The following RSF1 variants were observed in gnomAD, a reference collection of about 807,000 sequenced individuals.
The protein encoded by RSF1 is HBV pX-associated protein 8.
Under a neutral mutation model 145.2 loss-of-function variants are expected in RSF1, and 13 were observed. That is an observed-to-expected ratio of 0.09 (90% CI 0.06 to 0.14). The LOEUF (loss-of-function observed/expected upper bound fraction) is 0.14, where lower values mean the gene tolerates loss of function less well. Ranked by LOEUF, RSF1 falls within the 10% of genes least tolerant of loss-of-function variation. RSF1 has a pLI of 1.00. For missense variants in RSF1, 1,517 were observed against 1,718.2 expected (o/e 0.88, Z 2.07); for synonymous variants, 577 against 592.6 (o/e 0.97, Z 0.38).
intron 6 of RSF1, 36 bp from the exon 7 acceptor site, chr11:77,698,729 A>G (rs1456793589): frequency 3.2e-6 from 5 of 1,550,038 alleles, no homozygotes; most frequent in African/African-American, 1.4e-5. Flanking sequence ...ATAATTTGAT[A>G]TAAGAATGTC....
chr11:77,859,144 G>A, the RSF1 span, among the ~76,000 whole-genome samples: 1 of 152,198 alleles, frequency 6.6e-6, no homozygotes, highest in Non-Finnish European at 1.5e-5. Context: ...CATCCTGAGG[G>A]GAGGAAACTA....
intron 3 of RSF1, among the ~76,000 whole-genome samples, chr11:77,744,387 C>G (rs759011553): frequency 3.3e-5 from 5 of 152,086 alleles, no homozygotes. Context: ...TGCAGTGGCA[C>G]GATCACAGCT....
At chr11:77,795,146 A>G (rs1466882527) in intron 1 of RSF1, among the ~76,000 whole-genome samples, 1 of 152,230 alleles carries the variant, frequency 6.6e-6, no homozygotes, top group East Asian at 1.9e-4. Context: ...ACAAGAAGGT[A>G]AAAGATCTCT....
chr11:77,708,940 C>T (rs574922948), intron 5 of RSF1, among the ~76,000 whole-genome samples: 5 of 152,164 alleles, frequency 3.3e-5, no homozygotes, highest in East Asian at 1.9e-4. Flanking sequence ...CTCAAGTCTA[C>T]CATTGTAGTG....
At chr11:77,704,863 T>C (rs1590840930) in intron 5 of RSF1, among the ~76,000 whole-genome samples, 1 of 151,666 alleles carries the variant, frequency 6.6e-6, no homozygotes, top group Non-Finnish European at 1.5e-5. Context: ...AGCGATTCTC[T>C]TGCCTCAGCC....
chr11:77,751,578 G>A (rs1948064262), intron 2 of RSF1, among the ~76,000 whole-genome samples: 1 of 152,192 alleles, frequency 6.6e-6, no homozygotes, highest in East Asian at 1.9e-4. Flanking sequence ...AACAGACAGG[G>A]CCTCGGTCTA....
At chr11:77,773,573 G>C (rs1017400856) in intron 1 of RSF1, among the ~76,000 whole-genome samples, 2 of 152,014 alleles carry the variant, frequency 1.3e-5, no homozygotes, top group Admixed American at 1.3e-4. Context: ...TCTCTTCCTA[G>C]AGAAAAATTA....
intron 8 of RSF1, among the ~76,000 whole-genome samples, chr11:77,692,155 T>A (rs953674911): frequency 6.6e-6 from 1 of 151,652 alleles, no homozygotes; most frequent in African/African-American, 2.4e-5. Flanking sequence ...CCTCCCAAAG[T>A]GCTGGGATTA....
chr11:77,813,814 T>C (rs1172119084), intron 1 of RSF1: 2 of 207,882 alleles, frequency 9.6e-6, no homozygotes, highest in African/African-American at 6.5e-5. Context: ...TTATAATTTG[T>C]AAAAGGACAC....
intron 3 of RSF1, 56 bp from the exon 4 acceptor site, chr11:77,740,992 G>A: frequency 1.6e-6 from 2 of 1,267,162 alleles, no homozygotes; most frequent in South Asian, 2.5e-5. Context: ...CTCCATCACA[G>A]TAAATATGAT....
intron 12 of RSF1, chr11:77,677,208 T>C (rs1959732223): frequency 3.7e-6 from 2 of 543,188 alleles, no homozygotes; most frequent in Non-Finnish European, 6.4e-6. Flanking sequence ...AAGTTTACTA[T>C]GTAGGGAACC....
At chr11:77,797,690 C>T (rs751538581) in intron 1 of RSF1, among the ~76,000 whole-genome samples, 116 of 152,254 alleles carry the variant, frequency 7.6e-4, no homozygotes, top group Non-Finnish European at 1.5e-3. Context: ...AGAGCTTCTT[C>T]ACAGCAAAAG....
At chr11:77,783,865 C>A (rs1003019547) in intron 1 of RSF1, among the ~76,000 whole-genome samples, 1 of 152,014 alleles carries the variant, frequency 6.6e-6, no homozygotes, top group Non-Finnish European at 1.5e-5. Flanking sequence ...TACTTATCGC[C>A]TAGTTTGTAT....
intron 2 of RSF1, among the ~76,000 whole-genome samples, chr11:77,748,226 T>C (rs1283726148): frequency 6.6e-6 from 1 of 151,342 alleles, no homozygotes; most frequent in East Asian, 1.9e-4. Context: ...CTTTTTTTTT[T>C]TTCTTTTTTT....
At chr11:77,729,259 G>A (rs1021852172) in intron 4 of RSF1, among the ~76,000 whole-genome samples, 1 of 152,112 alleles carries the variant, frequency 6.6e-6, no homozygotes, top group African/African-American at 2.4e-5. Context: ...ACATTCCATA[G>A]GGTTGAGCCA....
chr11:77,708,185 C>A (rs1234489488), intron 5 of RSF1, among the ~76,000 whole-genome samples: 1 of 152,110 alleles, frequency 6.6e-6, no homozygotes, highest in Non-Finnish European at 1.5e-5. Flanking sequence ...TTTGGTGGGC[C>A]AAAGTGGGCA....
At chr11:77,748,535 GA>G (rs1340743622) in intron 2 of RSF1, among the ~76,000 whole-genome samples, 2 of 150,300 alleles carry the variant, frequency 1.3e-5, no homozygotes, top group South Asian at 2.1e-4. Context: ...TTTTCAGAGA[GA>G]AAAAAAAGGA....
At chr11:77,709,537 C>T (rs78250946) in intron 5 of RSF1, among the ~76,000 whole-genome samples, 1,687 of 152,164 alleles carry the variant, frequency 0.011, 34 homozygotes, top group African/African-American at 0.037. Context: ...GAAACTTTCA[C>T]GATTTTGAAA....
chr11:77,820,421 CAG>C, intron 1 of RSF1, 105 bp downstream of exon 1: 2 of 1,209,432 alleles, frequency 1.7e-6, no homozygotes, highest in Non-Finnish European at 2.3e-6. Context: ...AGGGGGAAGA[CAG>C]AGCCGCGGAG....
Sources: allele counts gnomAD v4.1 joint callset (sites outside exome capture counted in the v4.1 genomes callset), GRCh38; gene constraint gnomAD v4.1.1; transcripts MANE v1.5; gene names NCBI Gene and HGNC (gene_info 2026-07-23, HGNC 2026-07-21).